ATP10A: variants seen among roughly 807,000 people sequenced by gnomAD.
The protein encoded by ATP10A is phospholipid-transporting ATPase VA.
A neutral mutation model predicts 147.8 loss-of-function variants in ATP10A; 111 were observed. That is an observed-to-expected ratio of 0.75 (90% confidence interval 0.64 to 0.88). The LOEUF is 0.88. Ranked by LOEUF, ATP10A falls within the 40% of genes least tolerant of loss-of-function variation. The pLI, the probability that ATP10A is intolerant of heterozygous loss-of-function variation, is 0.00. For synonymous variants in ATP10A, 875 were observed against 841.6 expected (o/e 1.04, Z -0.69); for missense variants, 1,927 against 1,959.0 (o/e 0.98, Z 0.31).
At chr15:25,809,216 AGT>A (rs955596067) in intron 1 of ATP10A, among the ~76,000 whole-genome samples, 18 of 152,070 alleles carry the variant, frequency 1.2e-4, no homozygotes, top group African/African-American at 4.3e-4. Context: ...AGCCCAACTG[AGT>A]GTGGGGTGGG....
chr15:25,819,472 G>A (rs1891792706), intron 1 of ATP10A, among the ~76,000 whole-genome samples: 1 of 152,102 alleles, frequency 6.6e-6, no homozygotes, highest in Non-Finnish European at 1.5e-5. Flanking sequence ...AACACTGGTG[G>A]TGGAAATGTA....
intron 2 of ATP10A, among the ~76,000 whole-genome samples, chr15:25,751,702 C>A (rs1888163121): frequency 2.0e-5 from 3 of 152,092 alleles, no homozygotes; most frequent in Non-Finnish European, 4.4e-5. Context: ...TGTGCAGAGA[C>A]AACCTGCGAA....
chr15:25,709,007 G>A (rs1305451820), intron 10 of ATP10A: 2 of 152,442 alleles, frequency 1.3e-5, no homozygotes, highest in Admixed American at 6.5e-5. Flanking sequence ...CCACCTGAAA[G>A]AGGACCCGGT....
chr15:25,747,268 CA>C (rs1887894154), intron 2 of ATP10A, among the ~76,000 whole-genome samples: 1 of 103,158 alleles, frequency 9.7e-6, no homozygotes. Context: ...GCCTGGGCAA[CA>C]AGAGCAAAAC....
intron 1 of ATP10A, among the ~76,000 whole-genome samples, chr15:25,851,205 T>C (rs1448411667): frequency 6.6e-6 from 1 of 152,102 alleles, no homozygotes; most frequent in Non-Finnish European, 1.5e-5. Context: ...GGCAGGTCTC[T>C]GAGCGGATCT....
chr15:25,836,626 C>T (rs11161236), intron 1 of ATP10A, among the ~76,000 whole-genome samples: 24,539 of 152,194 alleles, frequency 0.16, 2,258 homozygotes, highest in Middle Eastern at 0.31. Flanking sequence ...GCTGAGCAGC[C>T]TCCCTGTTCC....
chr15:25,689,430 C>G lies in ATP10A; in HGVS notation c.3166-1602G>C, dbSNP rs898279474. 2.0e-5 allele frequency among the ~76,000 whole-genome samples: 3 copies of G among 152,188 alleles called. No homozygotes were observed. In the South Asian group the frequency reaches 6.2e-4, roughly 31 times the overall value. On this transcript the variant is annotated intron_variant, in intron 15 of 20. Coordinates refer to ENST00000555815, the MANE Select transcript of ATP10A (RefSeq NM_024490.4). Reference sequence around the variant, plus strand: ...TCTTGCCCCCTGCCTGGGGCAGTCTCCCCACCTTGGCTGAGCTGGGGAGTG... The same window carrying G: ...TCTTGCCCCCTGCCTGGGGCAGTCTGCCCACCTTGGCTGAGCTGGGGAGTG...
intron 3 of ATP10A, among the ~76,000 whole-genome samples, chr15:25,734,368 G>A (rs1256580139): frequency 6.6e-6 from 1 of 152,234 alleles, no homozygotes; most frequent in Non-Finnish European, 1.5e-5. Context: ...TTTTGGTGGA[G>A]TTGGCACCGT....
intron 1 of ATP10A, among the ~76,000 whole-genome samples, chr15:25,796,318 T>C (rs1023846141): frequency 6.6e-6 from 1 of 152,030 alleles, no homozygotes; most frequent in African/African-American, 2.4e-5. Context: ...GGCAGGAGGA[T>C]TGCTTCAGCC....
intron 1 of ATP10A, among the ~76,000 whole-genome samples, chr15:25,809,191 GC>G (rs1891324637): frequency 6.6e-6 from 1 of 152,112 alleles, no homozygotes; most frequent in African/African-American, 2.4e-5. Context: ...ATGGGATGAA[GC>G]CACCACCAGA....
intron 12 of ATP10A, among the ~76,000 whole-genome samples, chr15:25,706,443 T>C (rs1396659292): frequency 6.6e-6 from 1 of 152,152 alleles, no homozygotes; most frequent in African/African-American, 2.4e-5. Flanking sequence ...AACACTGGGA[T>C]TACCACAGAG....
intron 1 of ATP10A, among the ~76,000 whole-genome samples, chr15:25,860,238 G>A (rs1033388658): frequency 6.6e-6 from 1 of 152,000 alleles, no homozygotes; most frequent in Non-Finnish European, 1.5e-5. Flanking sequence ...TCTCACTGCA[G>A]CACCCACTCT....
In ATP10A at chr15:25,718,272, C is replaced by T. The variant is rs75173347; in HGVS notation, c.1491G>A (p.Gln497=). 1.7e-4 allele frequency: 275 copies of T among 1,612,590 alleles called. No homozygotes were observed. In the African/African-American group the frequency reaches 3.0e-3, roughly 18 times the overall value. ...CCGTGCGCCGGTGGGACTTGGTGCTCTGGGTTCTGTGCACCACCCGGACAC... is the reference window on the plus strand; with the variant it reads ...CCGTGCGCCGGTGGGACTTGGTGCTTTGGGTTCTGTGCACCACCCGGACAC... ...HQSVRVVHRT[Q]STKSHRRTGS... The change falls in exon 8 of 21, where the codon CAG becomes CAA. Residue 497 remains glutamine (Q), a synonymous_variant. Transcript: ENST00000555815.
At chr15:25,844,662 G>A (rs1438786846) in intron 1 of ATP10A, among the ~76,000 whole-genome samples, 2 of 152,152 alleles carry the variant, frequency 1.3e-5, no homozygotes, top group Admixed American at 6.5e-5. Context: ...AGGAAGAAGA[G>A]GGCTCCTGCC....
chr15:25,838,573 C>G (rs1285558954), intron 1 of ATP10A, among the ~76,000 whole-genome samples: 1 of 152,196 alleles, frequency 6.6e-6, no homozygotes, highest in Non-Finnish European at 1.5e-5. Context: ...CCTTTAATCT[C>G]CATCCTAGAA....
At chr15:25,766,732 A>C (rs1042524536) in intron 2 of ATP10A, among the ~76,000 whole-genome samples, 1 of 152,034 alleles carries the variant, frequency 6.6e-6, no homozygotes, top group Non-Finnish European at 1.5e-5. Context: ...CCCTGAGCTC[A>C]GTGTCTGTGC....
intron 13 of ATP10A, among the ~76,000 whole-genome samples, chr15:25,701,689 G>C (rs779280884): frequency 4.6e-5 from 7 of 152,160 alleles, no homozygotes; most frequent in Non-Finnish European, 1.0e-4. Flanking sequence ...GGAGAAACCA[G>C]GCTGAACTTT....
At chr15:25,835,888 A>G (rs904175531) in intron 1 of ATP10A, among the ~76,000 whole-genome samples, 16 of 152,074 alleles carry the variant, frequency 1.1e-4, no homozygotes, top group African/African-American at 3.9e-4. Context: ...ATCTCGGCTC[A>G]CTGCCAGCTC....
chr15:25,802,250 G>T (rs1002241099), intron 1 of ATP10A, among the ~76,000 whole-genome samples: 1 of 152,174 alleles, frequency 6.6e-6, no homozygotes, highest in African/African-American at 2.4e-5. Flanking sequence ...TGTTCTCAAC[G>T]TCGGAATCTC....
Sources: gnomAD v4.1 joint callset for allele counts (sites outside exome capture counted in the v4.1 genomes callset) on GRCh38, gnomAD v4.1.1 for gene constraint, MANE v1.5 for transcripts, NCBI Gene and HGNC (gene_info 2026-07-23, HGNC 2026-07-21) for gene names.